The following MFHAS1 variants were observed in gnomAD, a reference collection of about 807,000 sequenced individuals.
MFHAS1 encodes the protein malignant fibrous histiocytoma-amplified sequence 1.
Under a neutral mutation model 70.4 loss-of-function variants are expected in MFHAS1, and 50 were observed. That is an observed-to-expected ratio of 0.71 (90% CI 0.57 to 0.90). The LOEUF is 0.90. Among genes scored for constraint, MFHAS1 ranks in the 40% least tolerant of loss-of-function variants. The probability of loss-of-function intolerance (pLI) is 0.00; values close to 1 mark genes in which losing one functional copy is unlikely to be tolerated. For missense variants in MFHAS1, 1,795 were observed against 1,347.6 expected (o/e 1.33, Z -5.20); for synonymous variants, 952 against 620.0 (o/e 1.54, Z -7.96).
intron 1 of MFHAS1, among the ~76,000 whole-genome samples, chr8:8,829,674 C>G (rs558619513): frequency 6.6e-6 from 1 of 152,312 alleles, no homozygotes; most frequent in South Asian, 2.1e-4. Flanking sequence ...GAGTGAGACT[C>G]TGTCTCAAAC....
Position 8,892,782 on chromosome 8 carries a change from C to G in MFHAS1, c.277G>C (p.Val93Leu). 6.3e-7 allele frequency: 1 copy of G among 1,584,638 alleles called. No homozygotes were observed. The highest frequency in any genetic ancestry group is 8.6e-7 in the Non-Finnish European group (1 of 1,166,014). The change falls in exon 1 of 3, where the codon GTC (valine) becomes CTC (leucine). Residue 93 changes from valine (V) to leucine (L), a missense_variant. By Grantham distance (32) the Val-to-Leu change is conservative. Transcript: ENST00000276282. This position sits in a 1 kb window ranked among gnomAD's most constrained non-coding sequence, Gnocchi z 4.7. ...GSALGSLRVL[V>L]LRRNRFARLP... ...CGGGCGAAGCGGTTCCTGCGCAGGACCAGGACGCGCAGGCTGCCCAGCGCC... is the reference window on the plus strand; with the variant it reads ...CGGGCGAAGCGGTTCCTGCGCAGGAGCAGGACGCGCAGGCTGCCCAGCGCC...
At chr8:8,838,108 C>T (rs118044911) in intron 1 of MFHAS1, among the ~76,000 whole-genome samples, 1 of 152,332 alleles carries the variant, frequency 6.6e-6, no homozygotes, top group East Asian at 1.9e-4. Flanking sequence ...ACCTGTGCAA[C>T]ACCTCAAGAG....
intron 1 of MFHAS1, among the ~76,000 whole-genome samples, chr8:8,823,661 C>T (rs1055484758): frequency 6.6e-6 from 1 of 150,958 alleles, no homozygotes; most frequent in Non-Finnish European, 1.5e-5. Context: ...CCTTGGTTCT[C>T]CCAGGCCACC....
chr8:8,823,972 G>C (rs1807060952), intron 1 of MFHAS1, among the ~76,000 whole-genome samples: 2 of 142,598 alleles, frequency 1.4e-5, no homozygotes, highest in South Asian at 5.6e-4. Context: ...AAAACAACGG[G>C]AAATCATATA....
chr8:8,810,452 C>G (rs912046696), intron 1 of MFHAS1, among the ~76,000 whole-genome samples: 1 of 152,220 alleles, frequency 6.6e-6, no homozygotes, highest in Non-Finnish European at 1.5e-5. Flanking sequence ...AGGAAATTTT[C>G]TTCCACTTCT....
At chr8:8,820,687 A>G (rs1489348681) in intron 1 of MFHAS1, among the ~76,000 whole-genome samples, 2 of 152,066 alleles carry the variant, frequency 1.3e-5, no homozygotes, top group South Asian at 2.1e-4. Context: ...AGGCCCTCTC[A>G]CTTGGGGCTG....
chr8:8,806,545 T>G (rs1447585122), intron 1 of MFHAS1, among the ~76,000 whole-genome samples: 1 of 152,224 alleles, frequency 6.6e-6, no homozygotes, highest in African/African-American at 2.4e-5. Flanking sequence ...TTCTTTAAAC[T>G]TACTGTTCTC....
chr8:8,799,300 C>T lies in MFHAS1; in HGVS notation c.2999-1809G>A, dbSNP rs181219292. Among the ~76,000 whole-genome samples the T allele has an allele frequency of 3.4e-3, 516 of 152,168 alleles. 3 individuals carry two copies. The highest frequency in any genetic ancestry group is 0.012 in the African/African-American group (499 of 41,514). ...ATAATATACTGTATTAATAATTAAA[C>T]TTTTATGAATATGGTCTCTCAAAAA... On this transcript the variant is annotated intron_variant, in intron 1 of 2. Transcript: ENST00000276282.
intron 1 of MFHAS1, 137 bp from the exon 2 acceptor site, chr8:8,797,628 G>A (rs918635093): frequency 3.0e-6 from 3 of 987,946 alleles, no homozygotes; most frequent in Admixed American, 2.8e-5. Flanking sequence ...GAGAACAAAT[G>A]TGCAACCAAG....
intron 1 of MFHAS1, among the ~76,000 whole-genome samples, chr8:8,852,528 G>T (rs1428462809): frequency 3.3e-5 from 5 of 151,988 alleles, no homozygotes; most frequent in African/African-American, 1.2e-4. Context: ...AGAGGGTTTA[G>T]ACCTGGTGCC....
intron 1 of MFHAS1, among the ~76,000 whole-genome samples, chr8:8,831,458 G>A (rs767605578): frequency 1.1e-4 from 16 of 151,998 alleles, no homozygotes; most frequent in Non-Finnish European, 1.9e-4. Flanking sequence ...GCTAAGCAGG[G>A]TCGGGCCTCG....
At chr8:8,786,753 A>G (rs1442492128) in intron 2 of MFHAS1, among the ~76,000 whole-genome samples, 2 of 151,718 alleles carry the variant, frequency 1.3e-5, no homozygotes, top group South Asian at 2.1e-4. Flanking sequence ...CATTGAAAGG[A>G]AAGGAAAAAG....
rs995596126 is a variant in MFHAS1, at chr8:8,784,342, A to G, written c.*1680T>C. The stretch of plus-strand genomic sequence containing the variant: ...CACGAGAACTGTGACAAAAGGATTC[A>G]CCAGATTAATCTTGTGACTGTGTTC... On this transcript the variant is annotated 3_prime_UTR_variant, in exon 3 of 3. Coordinates refer to ENST00000276282, the MANE Select transcript of MFHAS1 (RefSeq NM_004225.3). 2.0e-5 allele frequency: 3 copies of G among 152,196 alleles called. No individual in the cohort carries two copies. The highest frequency in any genetic ancestry group is 6.5e-5 in the Admixed American group (1 of 15,288). 9.4% of individuals were successfully genotyped at this position (152,196 alleles called of 1,614,324 possible). A position where few individuals can be genotyped will look rare whatever the true frequency, so the allele number is the denominator to read the frequency against.
At chr8:8,818,168 G>A (rs924492391) in intron 1 of MFHAS1, among the ~76,000 whole-genome samples, 5 of 151,546 alleles carry the variant, frequency 3.3e-5, no homozygotes, top group Non-Finnish European at 7.4e-5. Context: ...TCATACTTCG[G>A]GGCTGGCTCT....
chr8:8,877,379 G>A (rs964364698), intron 1 of MFHAS1, among the ~76,000 whole-genome samples: 7 of 151,086 alleles, frequency 4.6e-5, no homozygotes, highest in African/African-American at 1.2e-4. Flanking sequence ...AGTGAGTAGT[G>A]TCACACACAA....
At chr8:8,869,849 G>A (rs1361677240) in intron 1 of MFHAS1, among the ~76,000 whole-genome samples, 1 of 152,160 alleles carries the variant, frequency 6.6e-6, no homozygotes, top group South Asian at 2.1e-4. Flanking sequence ...CCAGGACTCT[G>A]CCTCATTAAC....
At chr8:8,844,451 G>C (rs912889429) in intron 1 of MFHAS1, among the ~76,000 whole-genome samples, 1 of 152,122 alleles carries the variant, frequency 6.6e-6, no homozygotes, top group Admixed American at 6.6e-5. Flanking sequence ...AATAAGCCTA[G>C]GCATATACAC....
At chr8:8,877,542 A>G (rs1471967178) in intron 1 of MFHAS1, among the ~76,000 whole-genome samples, 1 of 152,186 alleles carries the variant, frequency 6.6e-6, no homozygotes, top group Non-Finnish European at 1.5e-5. Flanking sequence ...GGGATTACAG[A>G]GGCATGCGGC....
intron 1 of MFHAS1, among the ~76,000 whole-genome samples, chr8:8,875,668 G>A (rs780614724): frequency 1.4e-4 from 21 of 152,154 alleles, no homozygotes; most frequent in African/African-American, 3.4e-4. Context: ...TCAGCTCACC[G>A]TAACCTCTGC....
Sources: gnomAD v4.1 joint callset for allele counts (sites outside exome capture counted in the v4.1 genomes callset) on GRCh38, gnomAD v4.1.1 for gene constraint, Gnocchi (gnomAD v3.1) non-coding constraint, MANE v1.5 for transcripts, NCBI Gene and HGNC (gene_info 2026-07-23, HGNC 2026-07-21) for gene names.